Variants in GREB1 observed in about 807,000 individuals in gnomAD.
The protein encoded by GREB1 is growth regulating estrogen receptor binding 1.
Under a neutral mutation model 200.7 loss-of-function variants are expected in GREB1, and 106 were observed. The ratio of observed to expected loss-of-function variants is 0.53; its 90% CI spans 0.45 to 0.62. The LOEUF (loss-of-function observed/expected upper bound fraction) is 0.62, where lower values mean the gene tolerates loss of function less well. Ranked by LOEUF, GREB1 falls within the 20% of genes least tolerant of loss-of-function variation. GREB1 has a pLI of 0.00. For synonymous variants in GREB1, 1,132 were observed against 1,092.4 expected, an observed-to-expected ratio of 1.04 and a Z score of -0.72; for missense variants, 2,243 against 2,556.8, an observed-to-expected ratio of 0.88 and a Z score of 2.65.
chr2:11,539,210 A>C (rs936697502), intron 1 of GREB1, among the ~76,000 whole-genome samples: 7 of 151,342 alleles, frequency 4.6e-5, no homozygotes, highest in African/African-American at 1.7e-4. Flanking sequence ...GCACCACCAC[A>C]GCCAGTTAAT....
chr2:11,507,362 T>C (rs1673209344), intron 1 of GREB1, among the ~76,000 whole-genome samples: 1 of 150,328 alleles, frequency 6.7e-6, no homozygotes, highest in Middle Eastern at 3.4e-3. Context: ...TGAGTGGAGA[T>C]TGCGCCACTG....
chr2:11,608,215 T>C (rs1682585067), intron 17 of GREB1, among the ~76,000 whole-genome samples: 1 of 152,232 alleles, frequency 6.6e-6, no homozygotes, highest in Non-Finnish European at 1.5e-5. Context: ...ATCTACGACA[T>C]TGAAGATTTC....
At chr2:11,528,764 C>CTT (rs200378961) in intron 1 of GREB1, among the ~76,000 whole-genome samples, 1 of 151,774 alleles carries the variant, frequency 6.6e-6, no homozygotes, top group African/African-American at 2.4e-5. Context: ...GAAATTTTTC[C>CTT]TTTTTTTTGC....
rs546207469 is a variant in GREB1 at position 11,618,493 on chromosome 2, C to A, written c.3618C>A (p.Thr1206=). 3 of 1,610,102 alleles carry A rather than the reference C, an allele frequency of 1.9e-6. No homozygotes were observed. The highest frequency in any genetic ancestry group is 2.5e-6 in the Non-Finnish European group (3 of 1,178,866). ...CCCAGCCCGACTGTAGCCTCAGGACCGGCCAGAGGAGCGTCCAGGTGTCGG... is the reference window on the plus strand; with the variant it reads ...CCCAGCCCGACTGTAGCCTCAGGACAGGCCAGAGGAGCGTCCAGGTGTCGG... The part of the protein sequence containing the change: ...PTPQPDCSLR[T]GQRSVQVSVT... Residue 1206 remains threonine (T), a synonymous_variant, in exon 22 of 33, where the codon ACC becomes ACA. Coordinates refer to ENST00000381486, the MANE Select transcript of GREB1 (RefSeq NM_014668.4).
intron 30 of GREB1, 62 bp downstream of exon 30, chr2:11,635,467 A>G: frequency 6.5e-7 from 1 of 1,546,858 alleles, no homozygotes; most frequent in South Asian, 1.2e-5. Context: ...TGGCACACAC[A>G]CTGAGGGTAG....
At chr2:11,587,624 GCATATAA>G (rs1680256550) in intron 9 of GREB1, 2 of 1,413,452 alleles carry the variant, frequency 1.4e-6, no homozygotes, top group Non-Finnish European at 1.8e-6. Flanking sequence ...CAGGACATCT[GCATATAA>G]CACACAGCCG....
At chr2:11,536,611 G>A (rs1324152265) in intron 1 of GREB1, among the ~76,000 whole-genome samples, 1 of 152,196 alleles carries the variant, frequency 6.6e-6, no homozygotes, top group East Asian at 1.9e-4. Context: ...GTATAGAATA[G>A]AACAAAGAGA....
rs1284700131 is a variant in GREB1 at position 11,618,467 on chromosome 2, C to A, written c.3592C>A (p.Pro1198Thr). 3 of 1,606,526 alleles carry A rather than the reference C, an allele frequency of 1.9e-6. No individual in the cohort carries two copies. The highest frequency in any genetic ancestry group is 2.7e-5 in the African/African-American group (2 of 74,808). The change falls in exon 22 of 33, where the codon CCC becomes ACC. Residue 1198 changes from proline to threonine, a missense_variant. Pro to Thr is a conservative substitution (Grantham distance 38, BLOSUM62 -1). Coordinates refer to ENST00000381486, the MANE Select transcript of GREB1 (RefSeq NM_014668.4). ...AISRHSPGPTPQPDCSLRTGQ... is the reference protein window; with the variant it reads ...AISRHSPGPTTQPDCSLRTGQ... Reference sequence around the variant, plus strand: ...CAGCAGGCACAGTCCCGGGCCGACGCCCCAGCCCGACTGTAGCCTCAGGAC... The same window carrying A: ...CAGCAGGCACAGTCCCGGGCCGACGACCCAGCCCGACTGTAGCCTCAGGAC...
intron 1 of GREB1, among the ~76,000 whole-genome samples, chr2:11,511,147 A>G (rs1189245045): frequency 1.3e-5 from 2 of 152,192 alleles, no homozygotes; most frequent in Non-Finnish European, 2.9e-5. Flanking sequence ...TCCTCCCAGC[A>G]GTCTTCACAA....
At chr2:11,507,432 A>C (rs1272521701) in intron 1 of GREB1, among the ~76,000 whole-genome samples, 1 of 152,058 alleles carries the variant, frequency 6.6e-6, no homozygotes, top group Non-Finnish European at 1.5e-5. Flanking sequence ...TAAACCGAAA[A>C]ACAATAATGG....
At chr2:11,496,133 A>G (rs1672880486) in intron 1 of GREB1, among the ~76,000 whole-genome samples, 1 of 152,134 alleles carries the variant, frequency 6.6e-6, no homozygotes, top group African/African-American at 2.4e-5. Flanking sequence ...TGAGTCTAGC[A>G]GATGCGTCAG....
At chr2:11,512,130 A>C (rs1004545268) in intron 1 of GREB1, among the ~76,000 whole-genome samples, 2 of 152,210 alleles carry the variant, frequency 1.3e-5, no homozygotes, top group Admixed American at 6.5e-5. Context: ...ACACAACATA[A>C]AATTAACCAT....
chr2:11,546,910 A>T (rs1039724012), intron 1 of GREB1, among the ~76,000 whole-genome samples: 1 of 149,802 alleles, frequency 6.7e-6, no homozygotes, highest in Non-Finnish European at 1.5e-5. Flanking sequence ...GAAAGTGAGG[A>T]TGTCTGAGAA....
intron 24 of GREB1, 111 bp from the exon 25 acceptor site, chr2:11,626,851 C>T: frequency 8.8e-7 from 1 of 1,136,460 alleles, no homozygotes. Context: ...CCCAACCAGA[C>T]AGAATCCTGT....
At chr2:11,583,004 C>T (rs1000249746) in intron 7 of GREB1, among the ~76,000 whole-genome samples, 2 of 152,054 alleles carry the variant, frequency 1.3e-5, no homozygotes, top group Non-Finnish European at 2.9e-5. Flanking sequence ...TGCACAATGT[C>T]CCGCACCAAA....
Position 11,637,850 on chromosome 2 carries a change from G to C in GREB1, c.5481G>C (p.Pro1827=). 1.2e-6 allele frequency: 2 copies of C among 1,614,136 alleles called. No individual in the cohort carries two copies. The highest frequency in any genetic ancestry group is 1.7e-6 in the Non-Finnish European group (2 of 1,180,020). ...FLQHHSHLFF[P]LSLKNHDHPV... is the part of the protein sequence containing the mutation. Reference sequence around the variant, plus strand: ...AGCACCACAGCCACCTCTTCTTCCCGCTGTCCCTGAAGAACCATGACCACC... The same window carrying C: ...AGCACCACAGCCACCTCTTCTTCCCCCTGTCCCTGAAGAACCATGACCACC... Residue 1827 remains proline, a synonymous_variant, in exon 31 of 33, where the codon CCG becomes CCC. Coordinates refer to ENST00000381486, the MANE Select transcript of GREB1 (RefSeq NM_014668.4).
intron 1 of GREB1, among the ~76,000 whole-genome samples, chr2:11,514,688 C>G (rs1191138240): frequency 6.6e-6 from 1 of 152,234 alleles, no homozygotes. Context: ...GCCAAGAGAT[C>G]CTTTGCATCT....
chr2:11,526,572 T>A (rs1257739456), intron 1 of GREB1, among the ~76,000 whole-genome samples: 3 of 150,980 alleles, frequency 2.0e-5, no homozygotes, highest in Non-Finnish European at 2.9e-5. Context: ...TTTTTTTTTT[T>A]AGAGAGAGAG....
intron 9 of GREB1, chr2:11,587,736 C>T (rs1031985060): frequency 1.7e-6 from 2 of 1,197,906 alleles, no homozygotes; most frequent in African/African-American, 3.4e-5. Flanking sequence ...CACACACACA[C>T]ACACACGCCA....
Sources: allele counts gnomAD v4.1 joint callset (sites outside exome capture counted in the v4.1 genomes callset), GRCh38; gene constraint gnomAD v4.1.1; transcripts MANE v1.5; gene names NCBI Gene and HGNC (gene_info 2026-07-23, HGNC 2026-07-21).